PPP3CA: variants seen among roughly 807,000 people sequenced by gnomAD.
The protein encoded by PPP3CA is CAM-PRP catalytic subunit.
A neutral mutation model predicts 66.5 loss-of-function variants in PPP3CA; 14 were observed. The ratio of observed to expected loss-of-function variants is 0.21; its 90% confidence interval spans 0.14 to 0.33. The LOEUF (loss-of-function observed/expected upper bound fraction) is 0.33, where lower values mean the gene tolerates loss of function less well. Ranked by LOEUF, PPP3CA falls within the 10% of genes least tolerant of loss-of-function variation. The probability of loss-of-function intolerance (pLI) is 1.00; values close to 1 mark genes in which losing one functional copy is unlikely to be tolerated. For missense variants in PPP3CA, 317 were observed against 639.5 expected (o/e 0.50, Z 5.44); for synonymous variants, 232 against 226.2 (o/e 1.03, Z -0.23).
intron 8 of PPP3CA, among the ~76,000 whole-genome samples, chr4:101,080,190 T>C (rs1214945124): frequency 1.3e-5 from 2 of 152,176 alleles, no homozygotes; most frequent in African/African-American, 2.4e-5. Context: ...ATCACACTTA[T>C]TCTATTTAAA....
intron 1 of PPP3CA, among the ~76,000 whole-genome samples, chr4:101,239,353 A>G (rs1412981170): frequency 6.6e-6 from 1 of 152,114 alleles, no homozygotes; most frequent in East Asian, 1.9e-4. Flanking sequence ...TTGCTTTCTC[A>G]GTAAAGTTAT....
chr4:101,184,402 T>C (rs779011203), intron 2 of PPP3CA, among the ~76,000 whole-genome samples: 2 of 152,182 alleles, frequency 1.3e-5, no homozygotes, highest in African/African-American at 2.4e-5. Flanking sequence ...TGTGCTAATA[T>C]GGTAGCTACT....
intron 1 of PPP3CA, among the ~76,000 whole-genome samples, chr4:101,308,804 A>C (rs1193923367): frequency 6.6e-6 from 1 of 152,202 alleles, no homozygotes; most frequent in African/African-American, 2.4e-5. Flanking sequence ...CAAGTAAAAC[A>C]TACTTTCTGC....
chr4:101,036,361 G>A (rs550259572), intron 11 of PPP3CA, among the ~76,000 whole-genome samples: 3 of 151,676 alleles, frequency 2.0e-5, no homozygotes, highest in Non-Finnish European at 4.4e-5. Context: ...AGCTTACATT[G>A]CTGTACTCTT....
chr4:101,198,678 GGCAACA>G (rs1724876201), intron 1 of PPP3CA, among the ~76,000 whole-genome samples: 1 of 152,128 alleles, frequency 6.6e-6, no homozygotes, highest in Non-Finnish European at 1.5e-5. Context: ...GAAGGTGAGA[GGCAACA>G]GGAGAGCACC....
intron 2 of PPP3CA, among the ~76,000 whole-genome samples, chr4:101,195,212 G>A (rs1286378897): frequency 6.7e-6 from 1 of 150,030 alleles, no homozygotes; most frequent in African/African-American, 2.5e-5. Flanking sequence ...AGGATGCAGT[G>A]AGCCGAGATT....
intron 1 of PPP3CA, among the ~76,000 whole-genome samples, chr4:101,207,852 G>A (rs1313928011): frequency 6.6e-6 from 1 of 151,606 alleles, no homozygotes; most frequent in East Asian, 1.9e-4. Context: ...AAAAAGAGTA[G>A]CTAATAACTA....
Position 101,093,900 on chromosome 4 carries a change from C to A in PPP3CA, c.658G>T (p.Glu220Ter). The A allele has an allele frequency of 6.2e-7, 1 of 1,605,922 alleles. No individual in the cohort carries two copies. The highest frequency in any genetic ancestry group is 8.5e-7 in the Non-Finnish European group (1 of 1,177,054). ...DDIRKLDRFK[E>*]PPAYGPMCDI... ...CACATAGGTCCATATGCAGGTGGTT[C>A]TTTGAATCGGTCTAACTAAGAAAAA... is the stretch of plus-strand genomic sequence containing the variant. Residue 220 changes from glutamate (E) to a stop codon, truncating the protein, a stop_gained, in exon 6 of 14, where the codon GAA becomes TAA. Transcript: ENST00000394854. LOFTEE classifies it high-confidence loss of function.
At chr4:101,273,603 GCGTGAGC>G (rs1727400562) in intron 1 of PPP3CA, among the ~76,000 whole-genome samples, 1 of 152,212 alleles carries the variant, frequency 6.6e-6, no homozygotes, top group Admixed American at 6.5e-5. Flanking sequence ...GGGATTAGAG[GCGTGAGC>G]CACCACACCT....
At chr4:101,035,578 C>T (rs1400752093) in intron 11 of PPP3CA, among the ~76,000 whole-genome samples, 1 of 152,134 alleles carries the variant, frequency 6.6e-6, no homozygotes, top group Non-Finnish European at 1.5e-5. Context: ...AAAATCACAA[C>T]TGTAATTATG....
chr4:101,091,740 T>C (rs979789624), intron 6 of PPP3CA, among the ~76,000 whole-genome samples: 6 of 151,334 alleles, frequency 4.0e-5, no homozygotes, highest in African/African-American at 1.5e-4. Flanking sequence ...ACAGAATTCT[T>C]CCAGCCTTGC....
chr4:101,252,144 G>A (rs1560681652), intron 1 of PPP3CA, among the ~76,000 whole-genome samples: 1 of 152,164 alleles, frequency 6.6e-6, no homozygotes. Context: ...TGAAGAGCCT[G>A]CCTACATGTA....
intron 1 of PPP3CA, among the ~76,000 whole-genome samples, chr4:101,202,560 AC>A (rs1725002774): frequency 1.3e-5 from 2 of 152,220 alleles, no homozygotes; most frequent in African/African-American, 4.8e-5. Flanking sequence ...AAAATTAACC[AC>A]AGCTAGCCCC....
intron 2 of PPP3CA, among the ~76,000 whole-genome samples, chr4:101,125,109 AG>A (rs61070307): frequency 0.047 from 7,162 of 152,230 alleles, 560 homozygotes; most frequent in African/African-American, 0.16. Context: ...GCACATAGGC[AG>A]GGGGGGTATA....
chr4:101,201,975 C>T (rs937032447), intron 1 of PPP3CA, among the ~76,000 whole-genome samples: 1 of 152,132 alleles, frequency 6.6e-6, no homozygotes. Flanking sequence ...CAAACATAAG[C>T]CAACCCAAGC....
chr4:101,284,943 G>A (rs1727792044), intron 1 of PPP3CA, among the ~76,000 whole-genome samples: 1 of 151,714 alleles, frequency 6.6e-6, no homozygotes, highest in Non-Finnish European at 1.5e-5. Context: ...AAAATATGGG[G>A]ATTAAAATGT....
At chr4:101,142,860 T>C (rs534246966) in intron 2 of PPP3CA, among the ~76,000 whole-genome samples, 1 of 152,220 alleles carries the variant, frequency 6.6e-6, no homozygotes, top group Non-Finnish European at 1.5e-5. Context: ...ACAGTATTTT[T>C]GCTAATATTT....
chr4:101,165,536 A>G (rs996015634), intron 2 of PPP3CA, among the ~76,000 whole-genome samples: 1 of 152,152 alleles, frequency 6.6e-6, no homozygotes, highest in Non-Finnish European at 1.5e-5. Context: ...TACAATTTTT[A>G]TATTAAACCC....
intron 1 of PPP3CA, among the ~76,000 whole-genome samples, chr4:101,344,907 G>A (rs1044673510): frequency 6.6e-6 from 1 of 152,128 alleles, no homozygotes; most frequent in South Asian, 2.1e-4. Flanking sequence ...ACCTAGATTG[G>A]AGCTACATCT....
Sources: allele counts gnomAD v4.1 joint callset (sites outside exome capture counted in the v4.1 genomes callset), GRCh38; gene constraint gnomAD v4.1.1; transcripts MANE v1.5; gene names NCBI Gene and HGNC (gene_info 2026-07-23, HGNC 2026-07-21).